The following RRAGD variants were observed in gnomAD, a reference collection of about 807,000 sequenced individuals.
RRAGD encodes Ras related GTP binding D.
RRAGD carries 12 observed loss-of-function variants against 35.5 expected under a neutral mutation model. The ratio of observed to expected loss-of-function variants is 0.34; its 90% CI spans 0.22 to 0.55. The LOEUF (loss-of-function observed/expected upper bound fraction) is 0.55, where lower values mean the gene tolerates loss of function less well. RRAGD is among the 20% of genes least tolerant of loss of function. The pLI is 0.91. For synonymous variants in RRAGD, 155 were observed against 178.9 expected, an observed-to-expected ratio of 0.87 and a Z score of 1.07; for missense variants, 324 against 490.1, an observed-to-expected ratio of 0.66 and a Z score of 3.20.
chr6:89,399,765 C>T (rs1769418467), intron 1 of RRAGD, among the ~76,000 whole-genome samples: 1 of 108,832 alleles, frequency 9.2e-6, no homozygotes, highest in African/African-American at 4.4e-5. Context: ...CCATGCCCAG[C>T]TATTTTTTTT....
rs1582508473 is a variant in RRAGD at position 89,380,270 on chromosome 6, A to G, written c.542T>C (p.Val181Ala). 1 of 1,614,236 alleles carries G rather than the reference A, an allele frequency of 6.2e-7. No individual in the cohort carries two copies. Among genetic ancestry groups the G allele is most frequent in the Non-Finnish European group, 8.5e-7 (1 of 1,180,038 alleles). ...DINFEVFIHK[V>A]DGLSDDHKIE... ...TTTGTGGTCATCTGACAGACCATCC[A>G]CTTTATGAATAAACACCTCGAAGTT... Residue 181 changes from valine (V) to alanine (A), a missense_variant, in exon 3 of 7, where the codon GTG becomes GCG. Coordinates refer to ENST00000369415, the MANE Select transcript of RRAGD (RefSeq NM_021244.5).
intron 1 of RRAGD, among the ~76,000 whole-genome samples, chr6:89,390,667 G>A (rs142117034): frequency 2.0e-5 from 3 of 152,300 alleles, no homozygotes; most frequent in African/African-American, 7.2e-5. Context: ...AGAGGTCAAG[G>A]CAGGCAGATC....
At chr6:89,369,917 A>AC (rs1275272390) in intron 6 of RRAGD, among the ~76,000 whole-genome samples, 2 of 152,108 alleles carry the variant, frequency 1.3e-5, no homozygotes, top group Non-Finnish European at 2.9e-5. Flanking sequence ...CACTCTCTTC[A>AC]CCCCACCTAC....
At chr6:89,399,502 T>C (rs1054584956) in intron 1 of RRAGD, among the ~76,000 whole-genome samples, 2 of 152,182 alleles carry the variant, frequency 1.3e-5, no homozygotes, top group Non-Finnish European at 2.9e-5. Flanking sequence ...CTGGGTACAA[T>C]GGCTCATGCC....
chr6:89,371,411 C>T (rs12199343), intron 6 of RRAGD, among the ~76,000 whole-genome samples: 39,675 of 151,780 alleles, frequency 0.26, 5,661 homozygotes, highest in African/African-American at 0.36. Flanking sequence ...ATCACTTGGG[C>T]CCGGGTGGTC....
rs1768771836 is a variant in RRAGD at position 89,367,345 on chromosome 6, C to G, written c.*711G>C. On this transcript the variant is annotated 3_prime_UTR_variant, in exon 7 of 7. Coordinates refer to ENST00000369415, the MANE Select transcript of RRAGD (RefSeq NM_021244.5). ...CTAATGCAACAAAAAGAAATAACCT[C>G]TCTGTATAAAGTGATTATAGAGATG... The G allele has an allele frequency of 6.6e-6, 1 of 152,182 alleles. No individual in the cohort carries two copies. Among genetic ancestry groups the G allele is most frequent in the African/African-American group, 2.4e-5 (1 of 41,446 alleles). The allele number at this position is 152,182 out of a possible 1,614,324, so 9.4% of individuals were successfully genotyped here.
intron 1 of RRAGD, among the ~76,000 whole-genome samples, chr6:89,409,351 A>G (rs1769650375): frequency 6.6e-6 from 1 of 152,208 alleles, no homozygotes; most frequent in Non-Finnish European, 1.5e-5. Flanking sequence ...AACTTAGTGG[A>G]AAAAGTCCCA....
rs1474041634 is a variant in RRAGD at position 89,364,935 on chromosome 6, TAAGTG to T, written c.*3116_*3120del. The T allele has an allele frequency of 6.6e-6, 1 of 152,238 alleles. No homozygotes were observed. Among genetic ancestry groups the T allele is most frequent in the East Asian group, 1.9e-4 (1 of 5,202 alleles). 9.4% of individuals were successfully genotyped at this position (152,238 alleles called of 1,614,324 possible). A position where few individuals can be genotyped will look rare whatever the true frequency, so the allele number is the denominator to read the frequency against. On this transcript the variant is annotated 3_prime_UTR_variant, in exon 7 of 7. Coordinates refer to ENST00000369415, the MANE Select transcript of RRAGD (RefSeq NM_021244.5). ...AAAGCAATGGCTTAACAATGGTTAT[TAAGTG>T]ATGTACTGCTTAAAGTAAAACATGG...
intron 1 of RRAGD, among the ~76,000 whole-genome samples, chr6:89,398,785 T>TA (rs1769390907): frequency 1.3e-5 from 2 of 152,344 alleles, no homozygotes; most frequent in Admixed American, 1.3e-4. Flanking sequence ...CTGGTTTTGG[T>TA]GGAGTGCTCA....
intron 5 of RRAGD, among the ~76,000 whole-genome samples, chr6:89,373,587 T>C (rs1387983980): frequency 7.0e-6 from 1 of 143,378 alleles, no homozygotes; most frequent in Non-Finnish European, 1.5e-5. Context: ...CACTGTACTC[T>C]AGCCTGGGTG....
intron 1 of RRAGD, among the ~76,000 whole-genome samples, chr6:89,410,911 T>C (rs1375264665): frequency 6.6e-6 from 1 of 152,234 alleles, no homozygotes; most frequent in Non-Finnish European, 1.5e-5. Context: ...ACAGTTTCAC[T>C]GAGAATAACA....
chr6:89,390,610 A>G (rs1193959068), intron 1 of RRAGD, among the ~76,000 whole-genome samples: 1 of 152,248 alleles, frequency 6.6e-6, no homozygotes, highest in Non-Finnish European at 1.5e-5. Flanking sequence ...CAGTTCCTCA[A>G]ACATAGGCTG....
chr6:89,403,627 CTTTTT>C (rs10715442), intron 1 of RRAGD, among the ~76,000 whole-genome samples: 4 of 116,472 alleles, frequency 3.4e-5, no homozygotes, highest in Non-Finnish European at 3.4e-5. Flanking sequence ...TTTTCTTTTT[CTTTTT>C]TTTTTTTTTT....
chr6:89,405,271 G>A (rs370679840), intron 1 of RRAGD, among the ~76,000 whole-genome samples: 15 of 148,036 alleles, frequency 1.0e-4, no homozygotes, highest in Non-Finnish European at 1.6e-4. Flanking sequence ...GGAGAATGGC[G>A]TGAACCTGGG....
intron 6 of RRAGD, among the ~76,000 whole-genome samples, chr6:89,372,207 C>T (rs1454801359): frequency 1.3e-5 from 2 of 152,186 alleles, no homozygotes; most frequent in African/African-American, 4.8e-5. Context: ...ACTTCCACCT[C>T]GCTGCAATCG....
In RRAGD at chr6:89,387,262, A is replaced by C. The variant is rs752739354; in HGVS notation, c.444+33T>G. 5.0e-6 allele frequency: 8 copies of C among 1,596,476 alleles called. 1 individual carries two copies. The highest frequency in any genetic ancestry group is 6.9e-6 in the Non-Finnish European group (8 of 1,167,848). On this transcript the variant is annotated intron_variant, in intron 2 of 6. Coordinates refer to ENST00000369415, the MANE Select transcript of RRAGD (RefSeq NM_021244.5). ...TGGGGTGGGGTGGAGGGGACCGGCC[A>C]GGCCATCATACCCCTGAGACTCTGA...
intron 6 of RRAGD, 58 bp downstream of exon 6, chr6:89,372,379 T>C (rs561550969): frequency 1.3e-6 from 2 of 1,522,808 alleles, no homozygotes; most frequent in African/African-American, 1.4e-5. Context: ...AAACAATACA[T>C]GCAGTAGCAG....
Position 89,380,313 on chromosome 6 carries a change from T to C in RRAGD, c.499A>G (p.Lys167Glu), listed in dbSNP as rs781128880. The C allele has an allele frequency of 1.9e-6, 3 of 1,614,256 alleles. No individual in the cohort carries two copies. The highest frequency in any genetic ancestry group is 2.7e-5 in the African/African-American group (2 of 75,068). The change falls in exon 3 of 7, where the codon AAA becomes GAA. Residue 167 changes from lysine (K) to glutamate (E), a missense_variant. Physicochemically the swap from Lys to Glu is moderately conservative, Grantham distance 56 (BLOSUM62 1). Coordinates refer to ENST00000369415, the MANE Select transcript of RRAGD (RefSeq NM_021244.5). ...TCGAAGTTGATGTCAGTATTCACTT[T>C]GTAGGCCCTGGTCACCGTGAGGTGG... ...RLHLTVTRAY[K>E]VNTDINFEVF...
At chr6:89,406,752 G>C (rs961800037) in intron 1 of RRAGD, among the ~76,000 whole-genome samples, 1 of 152,182 alleles carries the variant, frequency 6.6e-6, no homozygotes, top group African/African-American at 2.4e-5. Context: ...GGGTCTAACT[G>C]AGCTGGTTAA....
Sources: gnomAD v4.1 joint callset for allele counts (sites outside exome capture counted in the v4.1 genomes callset) on GRCh38, gnomAD v4.1.1 for gene constraint, MANE v1.5 for transcripts, NCBI Gene and HGNC (gene_info 2026-07-23, HGNC 2026-07-21) for gene names.